Variants in DPY30 observed in about 807,000 individuals in gnomAD.
DPY30 encodes protein dpy-30 homolog.
Under a neutral mutation model 16.2 loss-of-function variants are expected in DPY30, and 6 were observed. The observed-to-expected ratio is 0.37, with a 90% CI of 0.20 to 0.73. DPY30 has a LOEUF of 0.73. Among genes scored for constraint, DPY30 ranks in the 30% least tolerant of loss-of-function variants. DPY30 has a pLI of 0.51. For missense variants in DPY30, 73 were observed against 113.1 expected (o/e 0.65, Z 1.61); for synonymous variants, 39 against 38.8 (o/e 1.00, Z -0.02).
chr2:32,032,964 C>G (rs1012544936), intron 3 of DPY30, among the ~76,000 whole-genome samples: 5 of 151,960 alleles, frequency 3.3e-5, no homozygotes, highest in Admixed American at 6.6e-5. Context: ...CCACTGCACT[C>G]TAGCCTGGGC....
intron 5 of DPY30, among the ~76,000 whole-genome samples, chr2:32,015,780 A>G (rs1675052640): frequency 1.3e-5 from 2 of 151,342 alleles, no homozygotes; most frequent in African/African-American, 4.9e-5. Context: ...GCTTGAGCCC[A>G]GGAGTTCAAA....
chr2:32,030,776 C>A (rs1675509691), intron 3 of DPY30, among the ~76,000 whole-genome samples: 2 of 151,892 alleles, frequency 1.3e-5, no homozygotes, highest in African/African-American at 2.4e-5. Context: ...TCTAGCCTGA[C>A]CGACAAAGCA....
intron 4 of DPY30, among the ~76,000 whole-genome samples, chr2:32,028,963 CA>C (rs993450451): frequency 4.0e-5 from 6 of 149,860 alleles, no homozygotes; most frequent in Non-Finnish European, 7.4e-5. Context: ...GACTCTGTCT[CA>C]AAAAAAAATA....
At chr2:32,032,954 C>T (rs902378327) in intron 3 of DPY30, among the ~76,000 whole-genome samples, 1 of 151,974 alleles carries the variant, frequency 6.6e-6, no homozygotes, top group African/African-American at 2.4e-5. Flanking sequence ...CAAGATTGCG[C>T]CACTGCACTC....
In DPY30 at chr2:32,039,792, A is replaced by C; in HGVS notation, c.-96T>G. 5.2e-6 allele frequency: 2 copies of C among 382,140 alleles called. No homozygotes were observed. Among genetic ancestry groups the C allele is most frequent in the Non-Finnish European group, 9.6e-6 (2 of 207,280 alleles). The allele number at this position is 382,140 out of a possible 1,614,324, so 23.7% of individuals were successfully genotyped here. A position where few individuals can be genotyped will look rare whatever the true frequency, so the allele number is the denominator to read the frequency against. ...ACCGCGCCACCAGCTCCCAGCACAA[A>C]CAGCTCCGGCCGTAAGTGACGGCTG... is the stretch of plus-strand genomic sequence containing the variant. On this transcript the variant is annotated 5_prime_UTR_variant, in exon 1 of 5. Transcript: ENST00000342166.
At chr2:32,035,947 A>G (rs1249508909) in intron 3 of DPY30, among the ~76,000 whole-genome samples, 1 of 151,536 alleles carries the variant, frequency 6.6e-6, no homozygotes, top group Non-Finnish European at 1.5e-5. Flanking sequence ...AAAAAAAAAA[A>G]AAAAAAGAAA....
At chr2:32,023,476 T>G, downstream of DPY30, 1 of 474,364 alleles carries the variant, frequency 2.1e-6, no homozygotes, top group Non-Finnish European at 4.3e-6. Context: ...TTTCCTCATC[T>G]GCAAAATGGG....
intron 4 of DPY30, among the ~76,000 whole-genome samples, chr2:32,028,436 C>A (rs1331835770): frequency 1.3e-5 from 2 of 151,950 alleles, no homozygotes; most frequent in African/African-American, 4.8e-5. Context: ...TTTGCTTACA[C>A]AAAAAAGAAT....
At position 32,029,510 on chromosome 2, in the gene DPY30, C is replaced by T. The variant is rs1353751714; in HGVS notation, c.227+84G>A. 3.8e-5 allele frequency: 56 copies of T among 1,482,078 alleles called. 1 individual carries two copies. In the South Asian group the frequency reaches 6.0e-4, roughly 16 times the overall value. 91.8% of individuals were successfully genotyped at this position (1,482,078 alleles called of 1,614,324 possible). A position where few individuals can be genotyped will look rare whatever the true frequency, so the allele number is the denominator to read the frequency against. On this transcript the variant is annotated intron_variant, in intron 4 of 4. Transcript: ENST00000342166. The stretch of plus-strand genomic sequence containing the variant: ...ATCCATAAATCACACAGTAAAAAGT[C>T]GCTATACATAACTATGATATTTCAG...
intron 4 of DPY30, among the ~76,000 whole-genome samples, chr2:32,028,590 C>G (rs1287241131): frequency 1.3e-5 from 2 of 152,062 alleles, no homozygotes; most frequent in Non-Finnish European, 2.9e-5. Context: ...ATCACAAGGT[C>G]AAGAGATCGA....
chr2:32,039,740 C>G lies in DPY30; in HGVS notation c.-44G>C. Reference sequence around the variant, plus strand: ...GGAAAGGGAGCTGATTACCCGCGCCCAAGCCGTTCGTTCTTAAGAGCCCTG... The same window carrying G: ...GGAAAGGGAGCTGATTACCCGCGCCGAAGCCGTTCGTTCTTAAGAGCCCTG... On this transcript the variant is annotated 5_prime_UTR_variant, in exon 1 of 5. Transcript: ENST00000342166. The G allele has an allele frequency of 1.8e-6, 1 of 550,792 alleles. No individual in the cohort carries two copies. 34.1% of individuals were successfully genotyped at this position (550,792 alleles called of 1,614,324 possible).
intron 4 of DPY30, among the ~76,000 whole-genome samples, chr2:32,028,251 G>A (rs1028805133): frequency 2.6e-5 from 4 of 151,290 alleles, no homozygotes; most frequent in African/African-American, 9.7e-5. Flanking sequence ...CAAGCAGTGC[G>A]GACTAAGGCA....
In DPY30 at chr2:32,038,647, C is replaced by CTTT. The variant is rs10679637; in HGVS notation, c.84+629_84+631dup. 2.0e-3 allele frequency among the ~76,000 whole-genome samples: 220 copies of CTTT among 111,202 alleles called. 4 individuals are homozygous for CTTT. The highest frequency in any genetic ancestry group is 2.1e-3 in the African/African-American group (58 of 27,898). The allele number at this position is 111,202 out of a possible 152,430, so 73.0% of individuals were successfully genotyped here. A position where few individuals can be genotyped will look rare whatever the true frequency, so the allele number is the denominator to read the frequency against. ...ACAGGTTTCCTAATTTTATTTTTTA[C>CTTT]TTTTTTTTTTTTTTTTTTTTGAGAC... On this transcript the variant is annotated intron_variant, in intron 3 of 4. Transcript: ENST00000342166.
chr2:32,022,652 G>C (rs1675211237), downstream of DPY30, among the ~76,000 whole-genome samples: 1 of 151,820 alleles, frequency 6.6e-6, no homozygotes, highest in African/African-American at 2.4e-5. Context: ...CGAGTGGCTG[G>C]GACGACAGGC....
intron 5 of DPY30, among the ~76,000 whole-genome samples, chr2:32,017,434 T>A (rs968210162): frequency 6.6e-6 from 1 of 151,816 alleles, no homozygotes; most frequent in Non-Finnish European, 1.5e-5. Context: ...CTGGCCAACA[T>A]GGTGAAACCC....
chr2:32,018,923 G>A (rs1033882568), downstream of DPY30, among the ~76,000 whole-genome samples: 1 of 152,056 alleles, frequency 6.6e-6, no homozygotes, highest in African/African-American at 2.4e-5. Flanking sequence ...CTACTCAGGA[G>A]GCTGAGGTGG....
intron 5 of DPY30, among the ~76,000 whole-genome samples, chr2:32,014,775 G>A (rs1675032001): frequency 6.6e-6 from 1 of 151,184 alleles, no homozygotes; most frequent in African/African-American, 2.4e-5. Context: ...GAGCCACCAC[G>A]CCTGGCCGAG....
At chr2:32,035,654 C>T (rs1456793914) in intron 3 of DPY30, among the ~76,000 whole-genome samples, 1 of 151,038 alleles carries the variant, frequency 6.6e-6, no homozygotes, top group African/African-American at 2.4e-5. Context: ...CATAAGTAGG[C>T]CAGGTGCAGT....
intron 4 of DPY30, among the ~76,000 whole-genome samples, chr2:32,027,899 A>T (rs951901352): frequency 3.3e-5 from 5 of 151,892 alleles, no homozygotes; most frequent in Non-Finnish European, 5.9e-5. Flanking sequence ...AAGTGTTGGG[A>T]TTACAGGCGT....
Sources: gnomAD v4.1 joint callset for allele counts (sites outside exome capture counted in the v4.1 genomes callset) on GRCh38, gnomAD v4.1.1 for gene constraint, MANE v1.5 for transcripts, NCBI Gene and HGNC (gene_info 2026-07-23, HGNC 2026-07-21) for gene names.